THSD4: variants seen among roughly 807,000 people sequenced by gnomAD.
The protein encoded by THSD4 is thrombospondin type 1 domain containing 4.
A neutral mutation model predicts 119.0 loss-of-function variants in THSD4; 69 were observed. The ratio of observed to expected loss-of-function variants is 0.58; its 90% CI spans 0.48 to 0.71. The LOEUF (loss-of-function observed/expected upper bound fraction) is 0.71, where lower values mean the gene tolerates loss of function less well. THSD4 is among the 30% of genes least tolerant of loss of function. The pLI, the probability that THSD4 is intolerant of heterozygous loss-of-function variation, is 0.00. For synonymous variants in THSD4, 524 were observed against 540.4 expected (o/e 0.97, Z 0.42); for missense variants, 1,393 against 1,391.1 (o/e 1.00, Z -0.02).
intron 7 of THSD4, among the ~76,000 whole-genome samples, chr15:71,598,105 G>A (rs925592368): frequency 3.3e-5 from 5 of 152,106 alleles, no homozygotes; most frequent in African/African-American, 4.8e-5. Context: ...GTCAAGAGAT[G>A]GAAGCCAGGC....
chr15:71,192,518 A>G (rs2043681036), intron 3 of THSD4, among the ~76,000 whole-genome samples: 1 of 151,924 alleles, frequency 6.6e-6, no homozygotes, highest in Non-Finnish European at 1.5e-5. Context: ...CCTGGCCTCA[A>G]GTCTGCTTGC....
At chr15:71,454,472 C>T (rs1417898913) in intron 7 of THSD4, among the ~76,000 whole-genome samples, 2 of 152,256 alleles carry the variant, frequency 1.3e-5, no homozygotes, top group African/African-American at 4.8e-5. Context: ...GGCCTGGCCC[C>T]TCTCCCAGCT....
At chr15:71,254,123 G>A (rs1345373651) in intron 5 of THSD4, among the ~76,000 whole-genome samples, 1 of 152,228 alleles carries the variant, frequency 6.6e-6, no homozygotes, top group Non-Finnish European at 1.5e-5. Flanking sequence ...CCTCACTGTG[G>A]AGCAGCTTGG....
intron 16 of THSD4, among the ~76,000 whole-genome samples, chr15:71,766,292 C>T (rs1315454267): frequency 1.3e-5 from 2 of 152,048 alleles, no homozygotes; most frequent in Non-Finnish European, 2.9e-5. Flanking sequence ...CTGAGGGCCC[C>T]ATCCCAGGTG....
At chr15:71,185,209 C>A (rs2043586920) in intron 3 of THSD4, among the ~76,000 whole-genome samples, 2 of 151,728 alleles carry the variant, frequency 1.3e-5, no homozygotes, top group Admixed American at 1.3e-4. Flanking sequence ...ATACAGGATT[C>A]CTTATAAGCC....
intron 13 of THSD4, 93 bp from the exon 14 acceptor site, chr15:71,748,328 G>C: frequency 6.8e-7 from 1 of 1,474,996 alleles, no homozygotes; most frequent in South Asian, 1.3e-5. Flanking sequence ...CAGTCTCATG[G>C]GGCTGATCAC....
At chr15:71,676,887 A>G (rs1042891110) in intron 8 of THSD4, among the ~76,000 whole-genome samples, 2 of 152,104 alleles carry the variant, frequency 1.3e-5, no homozygotes, top group African/African-American at 4.8e-5. Flanking sequence ...TCTTTTGGTT[A>G]TTGTGAATAA....
chr15:71,194,304 T>G (rs1340183881), intron 3 of THSD4, among the ~76,000 whole-genome samples: 1 of 152,176 alleles, frequency 6.6e-6, no homozygotes, highest in Non-Finnish European at 1.5e-5. Context: ...CCTCCATCTG[T>G]TTTCACAAAC....
chr15:71,550,915 A>C (rs957821714), intron 7 of THSD4, among the ~76,000 whole-genome samples: 1 of 152,208 alleles, frequency 6.6e-6, no homozygotes, highest in Non-Finnish European at 1.5e-5. Context: ...TAAAAGAGCA[A>C]TTTTATGGCA....
chr15:71,526,413 G>A (rs1441661403), intron 7 of THSD4, among the ~76,000 whole-genome samples: 1 of 152,074 alleles, frequency 6.6e-6, no homozygotes, highest in African/African-American at 2.4e-5. Context: ...GAGTCGCTTA[G>A]AGGTCTACCA....
rs1228572009 is a variant in THSD4, at chr15:71,746,931, C to T, written c.2130C>T (p.Arg710=). Residue 710 remains arginine, a synonymous_variant, in exon 13 of 18, where the codon CGC becomes CGT. Coordinates refer to ENST00000261862, the MANE Select transcript of THSD4 (RefSeq NM_024817.3). ...QVLCRQVYAN[R]SLTVQPYRCQ... ...TGTGCCGCCAGGTGTACGCCAACCGCAGCCTGACGGTGCAGCCCTACCGCT... is the reference window on the plus strand; with the variant it reads ...TGTGCCGCCAGGTGTACGCCAACCGTAGCCTGACGGTGCAGCCCTACCGCT... 1.2e-6 allele frequency: 2 copies of T among 1,613,970 alleles called. No individual in the cohort carries two copies. The highest frequency in any genetic ancestry group is 3.3e-5 in the Admixed American group (2 of 60,026).
At chr15:71,570,654 T>C (rs2049332868) in intron 7 of THSD4, among the ~76,000 whole-genome samples, 1 of 152,160 alleles carries the variant, frequency 6.6e-6, no homozygotes, top group Non-Finnish European at 1.5e-5. Context: ...AGCAAAACCC[T>C]GGTGATGGGA....
intron 6 of THSD4, among the ~76,000 whole-genome samples, chr15:71,392,213 G>A (rs963946854): frequency 5.0e-4 from 76 of 152,224 alleles, no homozygotes; most frequent in African/African-American, 1.7e-3. Context: ...ATTGATAAAT[G>A]TCGATATTTC....
chr15:71,751,662 A>C (rs574970057), intron 14 of THSD4, among the ~76,000 whole-genome samples: 1 of 151,620 alleles, frequency 6.6e-6, no homozygotes, highest in Admixed American at 6.6e-5. Context: ...TTTTATTTTT[A>C]TTTTTATTTT....
intron 6 of THSD4, among the ~76,000 whole-genome samples, chr15:71,407,528 G>A (rs370095653): frequency 7.2e-5 from 11 of 151,812 alleles, no homozygotes; most frequent in African/African-American, 2.4e-4. Context: ...ACTTGTATTC[G>A]AGTGTAAACT....
chr15:71,329,775 A>C (rs928651460), intron 6 of THSD4, among the ~76,000 whole-genome samples: 3 of 152,190 alleles, frequency 2.0e-5, no homozygotes, highest in Non-Finnish European at 4.4e-5. Flanking sequence ...AAAATAACTC[A>C]GGCAGTGTTC....
chr15:71,299,960 C>CA (rs141320911), intron 6 of THSD4, among the ~76,000 whole-genome samples: 64 of 109,032 alleles, frequency 5.9e-4, no homozygotes, highest in South Asian at 2.7e-3. Flanking sequence ...CTGTCTCTAC[C>CA]AAAAAAAAAA....
chr15:71,760,182 A>T (rs1030285836), intron 15 of THSD4, among the ~76,000 whole-genome samples: 94 of 152,352 alleles, frequency 6.2e-4, no homozygotes, highest in African/African-American at 1.8e-3. Flanking sequence ...GTGATCCAAC[A>T]GGTGGATGTG....
rs2045949228 is a variant in THSD4 at position 71,365,435 on chromosome 15, C to T, written c.1016-46252C>T. On this transcript the variant is annotated intron_variant, in intron 6 of 17. Coordinates refer to ENST00000261862, the MANE Select transcript of THSD4 (RefSeq NM_024817.3). ...CCCCAGGGCACCCCTCCACTCCATC[C>T]TTCTACTCTGTCTTTCTGCCTGCTT... is the stretch of plus-strand genomic sequence containing the variant. 3.3e-5 allele frequency among the ~76,000 whole-genome samples: 5 copies of T among 152,100 alleles called. No homozygotes were observed. The South Asian group carries it at 1.0e-3, about 32-fold the overall frequency.
Sources: gnomAD v4.1 joint callset for allele counts (sites outside exome capture counted in the v4.1 genomes callset) on GRCh38, gnomAD v4.1.1 for gene constraint, MANE v1.5 for transcripts, NCBI Gene and HGNC (gene_info 2026-07-23, HGNC 2026-07-21) for gene names.